TIAM1: variants seen among roughly 807,000 people sequenced by gnomAD.
TIAM1 encodes TIAM Rac1 associated GEF 1.
TIAM1 carries 65 observed loss-of-function variants against 163.5 expected under a neutral mutation model. The ratio of observed to expected loss-of-function variants is 0.40; its 90% CI spans 0.33 to 0.49. TIAM1 has a LOEUF of 0.49. Among genes scored for constraint, TIAM1 ranks in the 20% least tolerant of loss-of-function variants. The pLI is 0.77. For synonymous variants in TIAM1, 833 were observed against 810.1 expected (o/e 1.03, Z -0.48); for missense variants, 1,789 against 2,044.7 (o/e 0.87, Z 2.41).
chr21:31,521,778 A>ACACACACACACACACACAC (rs56988265), intron 1 of TIAM1, among the ~76,000 whole-genome samples: 8 of 151,172 alleles, frequency 5.3e-5, no homozygotes, highest in Non-Finnish European at 1.0e-4. Flanking sequence ...ACACACACAC[A>ACACACACACACACACACAC]AAGTAAAGGA....
chr21:31,338,891 G>A (rs2075935182), intron 2 of TIAM1, among the ~76,000 whole-genome samples: 1 of 152,144 alleles, frequency 6.6e-6, no homozygotes, highest in Non-Finnish European at 1.5e-5. Flanking sequence ...CCAGCACGTT[G>A]ATACCAAGTT....
rs200809021 is a variant in TIAM1, at chr21:31,234,361, GGGAA to G, written c.1585-8415_1585-8412del. ...GAAGGAGGAAGGGAGAGAGGAGGTG[GGGAA>G]GGAAGGAAGGAAGGAAGGGAGGGAG... is the stretch of plus-strand genomic sequence containing the variant. On this transcript the variant is annotated intron_variant, in intron 6 of 27. Coordinates refer to ENST00000541036, the MANE Select transcript of TIAM1 (RefSeq NM_001353694.2). 9.7e-3 allele frequency among the ~76,000 whole-genome samples: 1,324 copies of G among 136,168 alleles called. 10 individuals are homozygous for G. The highest frequency in any genetic ancestry group is 0.024 in the African/African-American group (751 of 31,456). The allele number at this position is 136,168 out of a possible 152,430, so 89.3% of individuals were successfully genotyped here.
intron 10 of TIAM1, among the ~76,000 whole-genome samples, chr21:31,210,714 A>T (rs896316568): frequency 2.6e-5 from 3 of 115,508 alleles, no homozygotes; most frequent in Non-Finnish European, 4.9e-5. Flanking sequence ...AGAGAAAGAA[A>T]GAGAAAGAAA....
intron 2 of TIAM1, among the ~76,000 whole-genome samples, chr21:31,425,122 T>G (rs1425334962): frequency 6.6e-6 from 1 of 152,050 alleles, no homozygotes; most frequent in South Asian, 2.1e-4. Context: ...TTTACCGTAA[T>G]TAAAAATAAA....
In TIAM1 at chr21:31,319,779, C is replaced by CAAA. The variant is rs34265205; in HGVS notation, c.-189+19461_-189+19463dup. On this transcript the variant is annotated intron_variant, in intron 2 of 27. Transcript: ENST00000541036. ...TGGGTGACAGAGTGAGACTCTATCT[C>CAAA]AAAAAAAAAAAAAAAAAAAAAAATT... 3.3e-3 allele frequency among the ~76,000 whole-genome samples: 334 copies of CAAA among 101,294 alleles called. 5 individuals carry two copies. The highest frequency in any genetic ancestry group is 5.2e-3 in the Middle Eastern group (1 of 194). The allele number at this position is 101,294 out of a possible 152,430, so 66.5% of individuals were successfully genotyped here.
intron 1 of TIAM1, among the ~76,000 whole-genome samples, chr21:31,553,521 T>C (rs1192460593): frequency 6.6e-6 from 1 of 151,840 alleles, no homozygotes; most frequent in African/African-American, 2.4e-5. Context: ...AAAGAGTGAG[T>C]GGGAACGAGC....
chr21:31,432,228 G>C (rs2044064526), intron 2 of TIAM1, among the ~76,000 whole-genome samples: 1 of 150,844 alleles, frequency 6.6e-6, no homozygotes, highest in Non-Finnish European at 1.5e-5. Flanking sequence ...AGCCTCCTGA[G>C]TAGCTGGGAC....
At position 31,172,418 on chromosome 21, in the gene TIAM1, G is replaced by A. The variant is rs143098070; in HGVS notation, c.2888-7353C>T. 3.1e-3 allele frequency among the ~76,000 whole-genome samples: 477 copies of A among 152,228 alleles called. 5 individuals are homozygous for A. The highest frequency in any genetic ancestry group is 2.9e-3 in the Non-Finnish European group (200 of 68,010). On this transcript the variant is annotated intron_variant, in intron 15 of 27. Transcript: ENST00000541036. ...CTTTCCCCTAATGACAGAAATTGGA[G>A]GAATTATCCTCTTTGTTCTGGACAT...
At chr21:31,198,028 T>C (rs2085971202) in intron 12 of TIAM1, among the ~76,000 whole-genome samples, 2 of 152,198 alleles carry the variant, frequency 1.3e-5, no homozygotes, top group African/African-American at 4.8e-5. Context: ...AACAAATAGA[T>C]GTGTCAAATG....
At chr21:31,130,741 G>A (rs1174220558) in intron 24 of TIAM1, 149 bp downstream of exon 24, 7 of 705,534 alleles carry the variant, frequency 9.9e-6, no homozygotes, top group Non-Finnish European at 1.7e-5. Context: ...ATGGCAGGAT[G>A]AGTGATCTCA....
intron 15 of TIAM1, among the ~76,000 whole-genome samples, chr21:31,180,344 C>T (rs79760431): frequency 0.043 from 6,492 of 152,232 alleles, 482 homozygotes; most frequent in African/African-American, 0.15. Context: ...ATAGAGTAAA[C>T]ACTTTTGGCT....
intron 3 of TIAM1, among the ~76,000 whole-genome samples, chr21:31,275,281 TG>T (rs1259287508): frequency 6.6e-6 from 1 of 152,200 alleles, no homozygotes; most frequent in Non-Finnish European, 1.5e-5. Flanking sequence ...TATTTTCTAA[TG>T]TTTTTATAGT....
chr21:31,442,087 A>ATATATATATATATATATATG (rs1273070445), intron 2 of TIAM1, among the ~76,000 whole-genome samples: 1 of 127,208 alleles, frequency 7.9e-6, no homozygotes, highest in Non-Finnish European at 1.7e-5. Flanking sequence ...ATATATATAT[A>ATATATATATATATATATATG]GAACAATAAG....
chr21:31,276,204 C>T (rs1300143705), intron 3 of TIAM1, among the ~76,000 whole-genome samples: 1 of 152,044 alleles, frequency 6.6e-6, no homozygotes. Context: ...TGAAAGTTTT[C>T]GCTAAATCGT....
intron 12 of TIAM1, among the ~76,000 whole-genome samples, chr21:31,198,155 A>G (rs547683253): frequency 2.1e-4 from 32 of 152,326 alleles, no homozygotes; most frequent in Middle Eastern, 3.4e-3. Context: ...TGATTATCTA[A>G]ACTTGCCCGT....
intron 2 of TIAM1, among the ~76,000 whole-genome samples, chr21:31,295,891 G>A (rs566437847): frequency 6.0e-4 from 92 of 152,254 alleles, no homozygotes; most frequent in African/African-American, 2.1e-3. Flanking sequence ...TCCGCCTCCC[G>A]AGTTCAAGCG....
At chr21:31,191,530 A>ATC (rs2085562909) in intron 13 of TIAM1, among the ~76,000 whole-genome samples, 1 of 152,226 alleles carries the variant, frequency 6.6e-6, no homozygotes. Flanking sequence ...CAGGACAGAA[A>ATC]TCAAGACTAA....
At chr21:31,212,701 A>G (rs1258206001) in intron 10 of TIAM1, 1 of 142,138 alleles carries the variant, frequency 7.0e-6, no homozygotes, top group Non-Finnish European at 1.5e-5. Flanking sequence ...CAAGCTCCGC[A>G]TCCTGGGTTC....
At chr21:31,484,332 G>C (rs2046205296) in intron 1 of TIAM1, among the ~76,000 whole-genome samples, 1 of 152,218 alleles carries the variant, frequency 6.6e-6, no homozygotes, top group South Asian at 2.1e-4. Flanking sequence ...GCTGGGGACT[G>C]TGTGTGCTTT....
Sources: gnomAD v4.1 joint callset for allele counts (sites outside exome capture counted in the v4.1 genomes callset) on GRCh38, gnomAD v4.1.1 for gene constraint, MANE v1.5 for transcripts, NCBI Gene and HGNC (gene_info 2026-07-23, HGNC 2026-07-21) for gene names.